Variants in EYS observed in about 807,000 individuals in gnomAD.
EYS encodes EGF-like photoreceptor maintenance factor.
In EYS, 250 loss-of-function variants were observed where a neutral mutation model predicts 282.1. The ratio of observed to expected loss-of-function variants is 0.89; its 90% CI spans 0.80 to 0.98. EYS has a LOEUF of 0.98. Among genes scored for constraint, EYS ranks in the 50% least tolerant of loss-of-function variants. EYS has a pLI of 0.00. For missense variants in EYS, 4,016 were observed against 3,709.0 expected (o/e 1.08, Z -2.15); for synonymous variants, 1,355 against 1,282.9 (o/e 1.06, Z -1.20).
intron 37 of EYS, among the ~76,000 whole-genome samples, chr6:63,799,132 G>A (rs1248858652): frequency 6.6e-6 from 1 of 150,506 alleles, no homozygotes; most frequent in East Asian, 2.0e-4. Flanking sequence ...TCCTGCCTCA[G>A]CCTCCTGAGT....
intron 31 of EYS, among the ~76,000 whole-genome samples, chr6:64,097,211 G>T (rs1006326166): frequency 1.3e-5 from 2 of 152,196 alleles, no homozygotes; most frequent in Non-Finnish European, 2.9e-5. Context: ...GGACCCACTT[G>T]AGGAGGCAGT....
intron 2 of EYS, among the ~76,000 whole-genome samples, chr6:65,579,585 G>A (rs1247201506): frequency 6.6e-6 from 1 of 151,988 alleles, no homozygotes; most frequent in Non-Finnish European, 1.5e-5. Context: ...TTTCTTCCTT[G>A]CAGATGACCA....
intron 15 of EYS, among the ~76,000 whole-genome samples, chr6:64,920,467 G>A (rs1768307357): frequency 6.6e-6 from 1 of 152,048 alleles, no homozygotes; most frequent in Non-Finnish European, 1.5e-5. Flanking sequence ...TGATGAATCA[G>A]TTTCTGAGCA....
At chr6:65,205,165 G>T (rs1443308891) in intron 12 of EYS, among the ~76,000 whole-genome samples, 3 of 149,466 alleles carry the variant, frequency 2.0e-5, no homozygotes, top group Non-Finnish European at 4.5e-5. Context: ...CCTATAGGGG[G>T]TCTAATGGCT....
intron 2 of EYS, among the ~76,000 whole-genome samples, chr6:65,525,055 A>ATTTT (rs35986893): frequency 8.9e-5 from 13 of 146,356 alleles, no homozygotes; most frequent in African/African-American, 3.0e-4. Context: ...TTCTAAACTG[A>ATTTT]TTTTTTTTTT....
At chr6:65,282,266 G>A (rs1768244641) in intron 12 of EYS, among the ~76,000 whole-genome samples, 2 of 151,904 alleles carry the variant, frequency 1.3e-5, no homozygotes, top group Admixed American at 6.6e-5. Context: ...TATTTAAGGT[G>A]ATGGATCTGT....
intron 23 of EYS, among the ~76,000 whole-genome samples, chr6:64,625,728 G>A (rs754164678): frequency 9.2e-5 from 14 of 152,130 alleles, no homozygotes; most frequent in Admixed American, 3.9e-4. Flanking sequence ...TATTCAGCTC[G>A]TCCATCTCTG....
At chr6:64,261,179 GA>G (rs919727820) in intron 30 of EYS, among the ~76,000 whole-genome samples, 59 of 151,608 alleles carry the variant, frequency 3.9e-4, no homozygotes, top group African/African-American at 1.4e-3. Context: ...GGCCCGCCCC[GA>G]CCAACCCTTC....
intron 35 of EYS, among the ~76,000 whole-genome samples, chr6:63,865,923 C>G (rs796676085): frequency 6.6e-6 from 1 of 152,060 alleles, no homozygotes; most frequent in Non-Finnish European, 1.5e-5. Context: ...GGCTTTGAGA[C>G]CTTCAGATTT....
Position 65,292,325 on chromosome 6 carries a change from A to G in EYS, c.2023+3538T>C, listed in dbSNP as rs1302230410. On this transcript the variant is annotated intron_variant, in intron 12 of 42. Transcript: ENST00000503581. Reference sequence around the variant, plus strand: ...AAATTTGTTTTCTGTAAAACTATCCATGAGGTCTTAACAGAATTGGTGATT... The same window carrying G: ...AAATTTGTTTTCTGTAAAACTATCCGTGAGGTCTTAACAGAATTGGTGATT... Among the ~76,000 whole-genome samples, 4 of 151,754 alleles carry G rather than the reference A, an allele frequency of 2.6e-5. No homozygotes were observed. In the East Asian group the frequency reaches 7.7e-4, roughly 29 times the overall value.
chr6:65,612,157 C>T lies in EYS; in HGVS notation c.-333+27621G>A, dbSNP rs142495841. ...CAGGATGTTAAAACAATTAATATAACGGTGCTTGGATTGGCATGTGTCTTT... is the reference window on the plus strand; with the variant it reads ...CAGGATGTTAAAACAATTAATATAATGGTGCTTGGATTGGCATGTGTCTTT... On this transcript the variant is annotated intron_variant, in intron 2 of 42. Coordinates refer to ENST00000503581, the MANE Select transcript of EYS (RefSeq NM_001142800.2). 8.2e-3 allele frequency among the ~76,000 whole-genome samples: 1,238 copies of T among 150,974 alleles called. 63 individuals carry two copies. Among genetic ancestry groups the T allele is most frequent in the Admixed American group, 0.068 (1,024 of 15,034 alleles).
chr6:64,891,406 C>G (rs1164638302), intron 18 of EYS, among the ~76,000 whole-genome samples: 1 of 152,060 alleles, frequency 6.6e-6, no homozygotes, highest in African/African-American at 2.4e-5. Context: ...CTGCCCTGCT[C>G]TCTTCCCGCT....
At position 65,353,609 on chromosome 6, in the gene EYS, G is replaced by T. The variant is rs1471994744; in HGVS notation, c.1308C>A (p.Cys436Ter). ...ATGGATTTTTTGTGCACCCTGGAAT[G>T]CATACATACTGCAAAAAGGAAACAA... The part of the protein sequence containing the change: ...FNIIGRFKYV[C>*]IPGCTKNPCW... The change falls in exon 9 of 43, where the codon TGC becomes TGA. Residue 436 changes from cysteine to a stop codon, truncating the protein, a stop_gained. Coordinates refer to ENST00000503581, the MANE Select transcript of EYS (RefSeq NM_001142800.2). LOFTEE classifies it high-confidence loss of function. 1.9e-6 allele frequency: 3 copies of T among 1,611,852 alleles called. No homozygotes were observed. Among genetic ancestry groups the T allele is most frequent in the Middle Eastern group, 1.6e-4 (1 of 6,068 alleles).
intron 22 of EYS, among the ~76,000 whole-genome samples, chr6:64,704,821 T>A (rs770919806): frequency 1.4e-4 from 22 of 152,076 alleles, no homozygotes; most frequent in African/African-American, 3.9e-4. Flanking sequence ...CAGAAAAACA[T>A]CTAACTGTAA....
chr6:63,907,627 A>AT (rs1445702547), intron 35 of EYS, among the ~76,000 whole-genome samples: 4 of 151,986 alleles, frequency 2.6e-5, no homozygotes, highest in East Asian at 3.9e-4. Flanking sequence ...CAAGGCATTC[A>AT]TTTTTTTATC....
intron 22 of EYS, among the ~76,000 whole-genome samples, chr6:64,793,352 C>A (rs1028964739): frequency 6.6e-6 from 1 of 151,950 alleles, no homozygotes; most frequent in Non-Finnish European, 1.5e-5. Context: ...TAAAGTCTCA[C>A]AAAATTTTAA....
At chr6:64,893,867 G>T (rs1767368595) in intron 18 of EYS, among the ~76,000 whole-genome samples, 1 of 151,542 alleles carries the variant, frequency 6.6e-6, no homozygotes, top group African/African-American at 2.4e-5. Flanking sequence ...ACACATATAT[G>T]TACACATATT....
chr6:64,918,742 G>A (rs1012041791), intron 15 of EYS, among the ~76,000 whole-genome samples: 1 of 152,154 alleles, frequency 6.6e-6, no homozygotes, highest in Admixed American at 6.5e-5. Context: ...AGATAATGAT[G>A]CCATCAGGTA....
chr6:63,803,405 T>C (rs183822874), intron 37 of EYS, among the ~76,000 whole-genome samples: 76 of 152,290 alleles, frequency 5.0e-4, no homozygotes, highest in Non-Finnish European at 1.0e-3. Flanking sequence ...AGAGAAGCTT[T>C]GTGGGTGATA....
Sources: gnomAD v4.1 joint callset for allele counts (sites outside exome capture counted in the v4.1 genomes callset) on GRCh38, gnomAD v4.1.1 for gene constraint, MANE v1.5 for transcripts, NCBI Gene and HGNC (gene_info 2026-07-23, HGNC 2026-07-21) for gene names.